Variants in KRT74 observed in about 807,000 individuals in gnomAD.
KRT74 encodes the protein keratin, type II cytoskeletal 74.
A neutral mutation model predicts 42.7 loss-of-function variants in KRT74; 43 were observed. The observed-to-expected ratio is 1.01, with a 90% confidence interval of 0.79 to 1.30. The LOEUF is 1.30. Among genes scored for constraint, KRT74 ranks in the 50% most tolerant of loss-of-function variants. The pLI, the probability that KRT74 is intolerant of heterozygous loss-of-function variation, is 0.00. For synonymous variants in KRT74, 302 were observed against 279.0 expected (o/e 1.08, Z -0.82); for missense variants, 736 against 689.1 (o/e 1.07, Z -0.76).
Position 52,573,688 on chromosome 12 carries a change from G to A in KRT74, c.90C>T (p.Ser30=), listed in dbSNP as rs1315275971. 1.2e-6 allele frequency: 2 copies of A among 1,614,182 alleles called. No homozygotes were observed. Among genetic ancestry groups the A allele is most frequent in the Non-Finnish European group, 1.7e-6 (2 of 1,180,038 alleles). The change falls in exon 1 of 9, where the codon AGC becomes AGT. Residue 30 remains serine (S), a synonymous_variant. Coordinates refer to ENST00000305620, the MANE Select transcript of KRT74 (RefSeq NM_175053.4). ...TGCCAGCTGCACAGTAAGAAGCCAG[G>A]CTACCCACAGCCTTCCTTGGCACCA... is the stretch of plus-strand genomic sequence containing the variant. The part of the protein sequence containing the change: ...SAVVPRKAVG[S]LASYCAAGRG...
In KRT74 at chr12:52,570,102, T is replaced by C. The variant is rs73320305; in HGVS notation, c.1009-118A>G. On this transcript the variant is annotated intron_variant, in intron 5 of 8. Transcript: ENST00000305620. ...GGGATTTAACGGAACTGAAGAGGAGTGCTGGGACAGGGTCCTGGGGGCCCA... is the reference window on the plus strand; with the variant it reads ...GGGATTTAACGGAACTGAAGAGGAGCGCTGGGACAGGGTCCTGGGGGCCCA... 0.032 allele frequency: 38,043 copies of C among 1,199,282 alleles called. 1,254 individuals are homozygous for C. The highest frequency in any genetic ancestry group is 0.13 in the African/African-American group (8,598 of 66,132). The allele number at this position is 1,199,282 out of a possible 1,614,324, so 74.3% of individuals were successfully genotyped here.
At position 52,573,587 on chromosome 12, in the gene KRT74, G is replaced by T; in HGVS notation, c.191C>A (p.Ala64Asp). ...ACCTCCAGCCCGAACGCCGCCACCA[G>T]CCACATTGAAAGAAATACGCCGATT... is the stretch of plus-strand genomic sequence containing the variant. ...GGNRRISFNV[A>D]GGGVRAGGYG... The change falls in exon 1 of 9, where the codon GCT becomes GAT. Residue 64 changes from alanine to aspartate, a missense_variant. Coordinates refer to ENST00000305620, the MANE Select transcript of KRT74 (RefSeq NM_175053.4). The T allele has an allele frequency of 6.2e-7, 1 of 1,614,136 alleles. No homozygotes were observed.
rs569075312 is a variant in KRT74 at position 52,573,636 on chromosome 12, G to A, written c.142C>T (p.Arg48Trp). 14 of 1,614,116 alleles carry A rather than the reference G, an allele frequency of 8.7e-6. No homozygotes were observed. The highest frequency in any genetic ancestry group is 1.6e-4 in the Middle Eastern group (1 of 6,062). The part of the protein sequence containing the change: ...GRGAGAGFGS[R>W]SLYSLGGNRR... ...TTCCCTCCAAGGCTATAGAGGCTCC[G>A]ACTGCCAAAGCCAGCGCCAGCCCCT... is the stretch of plus-strand genomic sequence containing the variant. The change falls in exon 1 of 9, where the codon CGG (arginine) becomes TGG (tryptophan). Residue 48 changes from arginine (R) to tryptophan (W), a missense_variant. Physicochemically the swap from Arg to Trp is moderately radical, Grantham distance 101 (BLOSUM62 -3). Transcript: ENST00000305620.
intron 1 of KRT74, 28 bp downstream of exon 1, chr12:52,573,279 G>A (rs769127380): frequency 4.3e-5 from 69 of 1,604,498 alleles, no homozygotes; most frequent in South Asian, 2.4e-4. Context: ...CTCAGGGTGC[G>A]GCCTCATCCT....
chr12:52,570,727 T>A lies in KRT74; in HGVS notation c.950A>T (p.His317Leu). The A allele has an allele frequency of 6.2e-7, 1 of 1,613,856 alleles. No individual in the cohort carries two copies. The highest frequency in any genetic ancestry group is 8.5e-7 in the Non-Finnish European group (1 of 1,179,818). The change falls in exon 5 of 9, where the codon CAT becomes CTT. Residue 317 changes from histidine to leucine, a missense_variant. Coordinates refer to ENST00000305620, the MANE Select transcript of KRT74 (RefSeq NM_175053.4). ...LDSIIAEVRMHYEEIALKSKA... is the reference protein window; with the variant it reads ...LDSIIAEVRMLYEEIALKSKA... The stretch of plus-strand genomic sequence containing the variant: ...GCTCTTCAGGGCGATCTCCTCATAA[T>A]GCATGCGGACCTCAGCGATGATGCT...
intron 6 of KRT74, 135 bp downstream of exon 6, chr12:52,569,724 A>G: frequency 1.8e-6 from 2 of 1,137,618 alleles, no homozygotes; most frequent in African/African-American, 1.5e-5. Flanking sequence ...CAGGGTGGGA[A>G]AGGGAGACTG....
chr12:52,571,163 C>A (rs1465240713), intron 4 of KRT74, among the ~76,000 whole-genome samples, 196 bp downstream of exon 4: 1 of 152,260 alleles, frequency 6.6e-6, no homozygotes, highest in Non-Finnish European at 1.5e-5. Context: ...ACTATTGTAT[C>A]AAGATCAATT....
At chr12:52,573,195 T>C in intron 1 of KRT74, 112 bp downstream of exon 1, 1 of 1,071,008 alleles carries the variant, frequency 9.3e-7, no homozygotes, top group Non-Finnish European at 1.4e-6. Flanking sequence ...GAGGAAGCCC[T>C]TCCTGAGGCC....
chr12:52,568,033 G>A (rs772840839), intron 7 of KRT74, 136 bp downstream of exon 7: 157 of 1,023,956 alleles, frequency 1.5e-4, no homozygotes, highest in Non-Finnish European at 2.2e-4. Context: ...CTTGCAGGAA[G>A]CTGCCTCTGA....
Position 52,572,017 on chromosome 12 carries a change from A to T in KRT74, c.687-13T>A. 1 of 1,579,176 alleles carries T rather than the reference A, an allele frequency of 6.3e-7. No homozygotes were observed. The highest frequency in any genetic ancestry group is 8.7e-7 in the Non-Finnish European group (1 of 1,148,596). ...CTCCACTTCATATCTGCCAGCAGGG[A>T]GAGTAGATGGCCTTAGCCCCCTTAG... On this transcript the variant is annotated splice_polypyrimidine_tract_variant and intron_variant, in intron 2 of 8. Transcript: ENST00000305620.
rs770582160 is a variant in KRT74, at chr12:52,566,936, C to A, written c.*33G>T. On this transcript the variant is annotated 3_prime_UTR_variant, in exon 9 of 9. Transcript: ENST00000305620. ...TTTGGGGGTGGCAAAGTCACCTCTT[C>A]TTCCAAGTGCTGAGGTGGGTGAGGC... 1 of 1,586,998 alleles carries A rather than the reference C, an allele frequency of 6.3e-7. No homozygotes were observed. The highest frequency in any genetic ancestry group is 1.1e-5 in the South Asian group (1 of 88,242).
In KRT74 at chr12:52,566,976, G is replaced by A. The variant is rs1400171359; in HGVS notation, c.1583C>T (p.Thr528Ile). 1 of 1,609,854 alleles carries A rather than the reference G, an allele frequency of 6.2e-7. No homozygotes were observed. Among genetic ancestry groups the A allele is most frequent in the South Asian group, 1.1e-5 (1 of 90,562 alleles). Residue 528 changes from threonine (T) to isoleucine (I), a missense_variant, in exon 9 of 9, where the codon ACC (threonine) becomes ATC (isoleucine). Thr to Ile is a moderately conservative substitution (Grantham distance 89). Coordinates refer to ENST00000305620, the MANE Select transcript of KRT74 (RefSeq NM_175053.4). Reference protein sequence around the residue: ...TPASIPARKATR With the variant: ...TPASIPARKAIR ...GTGGGTGAGGCCATGGGTCTAGCGG[G>A]TGGCTTTCCTTGCTGGGATGCTGGC...
intron 4 of KRT74, among the ~76,000 whole-genome samples, chr12:52,571,145 G>A (rs1389045916): frequency 6.6e-6 from 1 of 152,220 alleles, no homozygotes; most frequent in East Asian, 1.9e-4. Context: ...CTGCCCGTGG[G>A]CAAGTCCACT....
At chr12:52,569,640 G>A in intron 6 of KRT74, 1 of 618,174 alleles carries the variant, frequency 1.6e-6, no homozygotes, top group Non-Finnish European at 2.9e-6. Context: ...TGCAAAATGA[G>A]GAGTCAGAGA....
intron 3 of KRT74, 80 bp from the exon 4 acceptor site, chr12:52,571,534 C>A (rs1939482718): frequency 8.0e-6 from 8 of 997,096 alleles, no homozygotes; most frequent in Middle Eastern, 2.4e-4. Flanking sequence ...CTCAAAGCCA[C>A]CTGATTTTCT....
Position 52,571,993 on chromosome 12 carries a change from T to G in KRT74, c.698A>C (p.Glu233Ala). 6.3e-7 allele frequency: 1 copy of G among 1,598,474 alleles called. No homozygotes were observed. The highest frequency in any genetic ancestry group is 8.6e-7 in the Non-Finnish European group (1 of 1,166,036). Residue 233 changes from glutamate (E) to alanine (A), a missense_variant, in exon 3 of 9, where the codon GAG becomes GCG. Coordinates refer to ENST00000305620, the MANE Select transcript of KRT74 (RefSeq NM_175053.4). ...VEDYKKRYEV[E>A]INRRTTAENE... ...CTCTGCTGTCGTGCGCCGGTTAATC[T>G]CCACTTCATATCTGCCAGCAGGGAG... is the stretch of plus-strand genomic sequence containing the variant.
Position 52,572,458 on chromosome 12 carries a change from C to T in KRT74, c.681G>A (p.Lys227=), listed in dbSNP as rs781291481. Residue 227 remains lysine (K), a synonymous_variant, in exon 2 of 9, where the codon AAG becomes AAA. Coordinates refer to ENST00000305620, the MANE Select transcript of KRT74 (RefSeq NM_175053.4). ...CTCGGGTGGAGCCTGCTCACCTCTT[C>T]TTATAGTCCTCCACCAGATCCCTCA... ...RSMRDLVEDY[K]KRYEVEINRR... is the part of the protein sequence containing the mutation. 14 of 1,614,004 alleles carry T rather than the reference C, an allele frequency of 8.7e-6. No individual in the cohort carries two copies. Among genetic ancestry groups the T allele is most frequent in the Non-Finnish European group, 1.2e-5 (14 of 1,179,908 alleles).
chr12:52,567,997 G>T (rs1469041148), intron 7 of KRT74, among the ~76,000 whole-genome samples, 172 bp downstream of exon 7: 3 of 152,020 alleles, frequency 2.0e-5, no homozygotes, highest in African/African-American at 7.2e-5. Context: ...GGCCATCTAC[G>T]CTTCATGGCT....
intron 5 of KRT74, 111 bp downstream of exon 5, chr12:52,570,558 A>G (rs1366334210): frequency 1.5e-5 from 18 of 1,188,282 alleles, no homozygotes; most frequent in Non-Finnish European, 7.4e-6. Flanking sequence ...CTTGGTTGGA[A>G]CCTTTCTTTC....
Sources: allele counts gnomAD v4.1 joint callset (sites outside exome capture counted in the v4.1 genomes callset), GRCh38; gene constraint gnomAD v4.1.1; transcripts MANE v1.5; gene names NCBI Gene and HGNC (gene_info 2026-07-23, HGNC 2026-07-21).